PTRH1: variants seen among roughly 807,000 people sequenced by gnomAD.
The protein encoded by PTRH1 is peptidyl-tRNA hydrolase.
A neutral mutation model predicts 15.7 loss-of-function variants in PTRH1; 13 were observed. The observed-to-expected ratio is 0.83, with a 90% CI of 0.54 to 1.31. The LOEUF is 1.31. PTRH1 is among the 40% of genes most tolerant of loss of function. The pLI is 0.00. For synonymous variants in PTRH1, 139 were observed against 136.7 expected (o/e 1.02, Z -0.12); for missense variants, 319 against 296.2 (o/e 1.08, Z -0.56).
In PTRH1 at chr9:127,713,928, C is replaced by G. The variant is rs760754685; in HGVS notation, c.*172G>C. 1.1e-5 allele frequency: 18 copies of G among 1,606,936 alleles called. No individual in the cohort carries two copies. The highest frequency in any genetic ancestry group is 1.5e-5 in the Non-Finnish European group (18 of 1,173,600). On this transcript the variant is annotated 3_prime_UTR_variant, in exon 5 of 5. Coordinates refer to ENST00000543175, the MANE Select transcript of PTRH1 (RefSeq NM_001002913.3). ...TAGGACACAGAGAGAAGAACCTACTCCAGAAATGGACTGGTCCAGTCACAG... is the reference window on the plus strand; with the variant it reads ...TAGGACACAGAGAGAAGAACCTACTGCAGAAATGGACTGGTCCAGTCACAG...
chr9:127,708,506 A>T (rs73600040), intron 1 of PTRH1, among the ~76,000 whole-genome samples: 7,991 of 152,138 alleles, frequency 0.053, 721 homozygotes, highest in African/African-American at 0.18. Flanking sequence ...TAATTTAATT[A>T]AAAAAAACTT....
downstream of PTRH1, chr9:127,709,669 C>T: frequency 6.2e-7 from 1 of 1,613,680 alleles, no homozygotes. This position sits in a 1 kb window ranked among gnomAD's most constrained non-coding sequence, Gnocchi z 4.7. Flanking sequence ...CAAGGACCAG[C>T]TCACCACGGA....
chr9:127,711,189 C>T (rs773217394), downstream of PTRH1: 41 of 1,598,940 alleles, frequency 2.6e-5, no homozygotes, highest in African/African-American at 6.7e-5. Context: ...GGCTTGTGCC[C>T]GCTCTGTCTG....
downstream of PTRH1, chr9:127,712,007 C>T: frequency 6.4e-7 from 1 of 1,559,648 alleles, no homozygotes; most frequent in East Asian, 2.3e-5. Context: ...CAAGCTCTGG[C>T]CCAGCTCTTT....
At chr9:127,706,071 AG>A (rs1164069981) in intron 1 of PTRH1, among the ~76,000 whole-genome samples, 1 of 152,232 alleles carries the variant, frequency 6.6e-6, no homozygotes, top group Non-Finnish European at 1.5e-5. Context: ...ATCCCTGCAC[AG>A]GGAACTTTAC....
chr9:127,713,054 C>G (rs1842804946), downstream of PTRH1: 1 of 1,613,768 alleles, frequency 6.2e-7, no homozygotes. Context: ...GACTGGGTCT[C>G]TGCTGCCGCA....
chr9:127,709,303 C>A, downstream of PTRH1: 1 of 1,076,814 alleles, frequency 9.3e-7, no homozygotes, highest in Non-Finnish European at 1.3e-6. The surrounding 1 kb of genome is among the most constrained non-coding windows in gnomAD (Gnocchi z 4.7). Context: ...GGATTCTGAT[C>A]ACAAGGAAAC....
Position 127,715,077 on chromosome 9 carries a change from A to T in PTRH1, c.214T>A (p.Cys72Ser), listed in dbSNP as rs766741986. 10 of 1,531,418 alleles carry T rather than the reference A, an allele frequency of 6.5e-6. No individual in the cohort carries two copies. In the South Asian group the frequency reaches 1.1e-4, roughly 16 times the overall value. The allele number at this position is 1,531,418 out of a possible 1,614,324, so 94.9% of individuals were successfully genotyped here. A position where few individuals can be genotyped will look rare whatever the true frequency, so the allele number is the denominator to read the frequency against. Residue 72 changes from cysteine to serine, a missense_variant, in exon 2 of 5, where the codon TGT becomes AGT. Coordinates refer to ENST00000543175, the MANE Select transcript of PTRH1 (RefSeq NM_001002913.3). The surrounding 1 kb of genome is among the most constrained non-coding windows in gnomAD (Gnocchi z 5.8). ...VAESWTRDRH[C>S]AADLALAPLG... ...GGGGCCAGGGCGAGGTCGGCGGCACAGTGCCGGTCGCGCGTCCAACTCTCC... is the reference window on the plus strand; with the variant it reads ...GGGGCCAGGGCGAGGTCGGCGGCACTGTGCCGGTCGCGCGTCCAACTCTCC...
chr9:127,714,815 G>T, intron 2 of PTRH1, 113 bp from the exon 3 acceptor site: 1 of 1,102,338 alleles, frequency 9.1e-7, no homozygotes, highest in South Asian at 1.4e-5. Flanking sequence ...TAAAGAAACT[G>T]AGGCCCCCCG....
At chr9:127,710,353 C>A (rs1052928095), downstream of PTRH1, among the ~76,000 whole-genome samples, 8 of 151,354 alleles carry the variant, frequency 5.3e-5, no homozygotes, top group Non-Finnish European at 8.8e-5. Flanking sequence ...AGGAAGGCTT[C>A]TTGGAGGAGG....
chr9:127,711,320 G>A, downstream of PTRH1: 4 of 1,614,198 alleles, frequency 2.5e-6, no homozygotes, highest in East Asian at 2.2e-5. Flanking sequence ...AACCAAGCGG[G>A]CCATCAAAGA....
downstream of PTRH1, chr9:127,713,167 C>A (rs1349814856): frequency 6.3e-7 from 1 of 1,593,446 alleles, no homozygotes; most frequent in Non-Finnish European, 8.6e-7. Context: ...TGTCATATAT[C>A]ACCCGTGTGG....
chr9:127,712,248 T>G (rs533954528), downstream of PTRH1: 5 of 1,614,016 alleles, frequency 3.1e-6, no homozygotes, highest in Admixed American at 3.3e-5. Context: ...GCAGGTGGAT[T>G]TGCAGCGGCT....
At chr9:127,712,248 T>A, downstream of PTRH1, 2 of 1,614,016 alleles carry the variant, frequency 1.2e-6, no homozygotes, top group African/African-American at 2.7e-5. Context: ...GCAGGTGGAT[T>A]TGCAGCGGCT....
intron 1 of PTRH1, among the ~76,000 whole-genome samples, chr9:127,702,603 A>C (rs1346080687): frequency 6.6e-6 from 1 of 152,108 alleles, no homozygotes; most frequent in Non-Finnish European, 1.5e-5. Context: ...CATCATCCTG[A>C]TTATCATCAC....
chr9:127,700,470 A>G (rs1842595285), intron 1 of PTRH1, among the ~76,000 whole-genome samples: 1 of 152,186 alleles, frequency 6.6e-6, no homozygotes, highest in Non-Finnish European at 1.5e-5. Context: ...CCCTTGGCTA[A>G]GGAACCCCAG....
Position 127,715,379 on chromosome 9 carries a change from C to A in PTRH1, c.96+165G>T. 1 of 1,265,944 alleles carries A rather than the reference C, an allele frequency of 7.9e-7. No individual in the cohort carries two copies. Among genetic ancestry groups the A allele is most frequent in the South Asian group, 1.3e-5 (1 of 78,802 alleles). The allele number at this position is 1,265,944 out of a possible 1,614,324, so 78.4% of individuals were successfully genotyped here. On this transcript the variant is annotated intron_variant, in intron 1 of 4. Transcript: ENST00000543175. This position sits in a 1 kb window ranked among gnomAD's most constrained non-coding sequence, Gnocchi z 5.8. Reference sequence around the variant, plus strand: ...CCAGAAGGCTGGGCAGGCAGGGCGCCCTAGTGCAGGAACGGAGCTTCAAGA... The same window carrying A: ...CCAGAAGGCTGGGCAGGCAGGGCGCACTAGTGCAGGAACGGAGCTTCAAGA...
rs1404186435 is a variant in PTRH1, at chr9:127,705,585, C to T, written c.205+9850G>A. On this transcript the variant is annotated intron_variant, in intron 1 of 2. Coordinates refer to the PTRH1 transcript ENST00000335223. This position sits in a 1 kb window ranked among gnomAD's most constrained non-coding sequence, Gnocchi z 4.7. ...ATTAAGCTGGGAATTCAGAGCTACC[C>T]CCTGCAATGGGCCTGGGGAAAAGAG... Among the ~76,000 whole-genome samples, 1 of 152,236 alleles carries T rather than the reference C, an allele frequency of 6.6e-6. No homozygotes were observed. The highest frequency in any genetic ancestry group is 2.4e-5 in the African/African-American group (1 of 41,474).
Position 127,714,016 on chromosome 9 carries a change from G to C in PTRH1, c.*84C>G. 1.9e-6 allele frequency: 3 copies of C among 1,583,434 alleles called. No individual in the cohort carries two copies. The South Asian group carries it at 3.3e-5, about 18-fold the overall frequency. On this transcript the variant is annotated 3_prime_UTR_variant, in exon 5 of 5. Transcript: ENST00000543175. ...CTAGAGGAGATTTGTATAAAAAGTAGATACCAAGGCTGGCGTGGCAGCTCT... is the reference window on the plus strand; with the variant it reads ...CTAGAGGAGATTTGTATAAAAAGTACATACCAAGGCTGGCGTGGCAGCTCT...
Sources: gnomAD v4.1 joint callset for allele counts (sites outside exome capture counted in the v4.1 genomes callset) on GRCh38, gnomAD v4.1.1 for gene constraint, Gnocchi (gnomAD v3.1) non-coding constraint, MANE v1.5 for transcripts, NCBI Gene and HGNC (gene_info 2026-07-23, HGNC 2026-07-21) for gene names.